MTMR1: variants seen among roughly 807,000 people sequenced by gnomAD.
MTMR1 encodes phosphatidylinositol-3-phosphate phosphatase MTMR1.
Under a neutral mutation model 51.6 loss-of-function variants are expected in MTMR1, and 17 were observed. The ratio of observed to expected loss-of-function variants is 0.33; its 90% CI spans 0.23 to 0.49. The LOEUF (loss-of-function observed/expected upper bound fraction) is 0.49, where lower values mean the gene tolerates loss of function less well. Ranked by LOEUF, MTMR1 falls within the 20% of genes least tolerant of loss-of-function variation. The pLI is 0.99. For synonymous variants in MTMR1, 201 were observed against 205.6 expected (o/e 0.98, Z 0.19); for missense variants, 386 against 526.9 (o/e 0.73, Z 2.62).
intron 6 of MTMR1, among the ~76,000 whole-genome samples, chrX:150,729,219 C>CAT (rs112852787): frequency 6.8e-5 from 2 of 29,285 alleles, no homozygotes. Context: ...CACACCCACC[C>CAT]ACACACACAC....
intron 4 of MTMR1, among the ~76,000 whole-genome samples, chrX:150,726,920 T>C (rs937561659): frequency 9.0e-6 from 1 of 111,699 alleles, no homozygotes; most frequent in Non-Finnish European, 1.9e-5. Context: ...ATATGATTAA[T>C]TTATCACCCA....
chrX:150,732,986 A>G (rs903699333), intron 10 of MTMR1, among the ~76,000 whole-genome samples: 4 of 112,332 alleles, frequency 3.6e-5, no homozygotes, highest in Middle Eastern at 4.6e-3. Context: ...TAGAAAGACA[A>G]TTATCATCTA....
chrX:150,728,540 C>T (rs1284810309), intron 6 of MTMR1, among the ~76,000 whole-genome samples: 9 of 112,035 alleles, frequency 8.0e-5, no homozygotes, highest in African/African-American at 2.9e-4. Context: ...AGTTTCTTGG[C>T]TATCTTGGAA....
chrX:150,736,868 G>A, intron 11 of MTMR1, 88 bp downstream of exon 11: 1 of 898,788 alleles, frequency 1.1e-6, no homozygotes, highest in Non-Finnish European at 1.5e-6. Flanking sequence ...GTGCCTCTTG[G>A]CTGTGTGCAT....
intron 14 of MTMR1, 34 bp downstream of exon 14, chrX:150,750,877 C>A: frequency 9.0e-7 from 1 of 1,114,719 alleles, no homozygotes; most frequent in Non-Finnish European, 1.2e-6. Flanking sequence ...GTTGCTTTCC[C>A]TGTGGCTCAG....
intron 3 of MTMR1, among the ~76,000 whole-genome samples, chrX:150,718,089 T>C (rs1557416454): frequency 8.9e-6 from 1 of 112,220 alleles, no homozygotes; most frequent in Non-Finnish European, 1.9e-5. Flanking sequence ...CACACACACA[T>C]AGCTGGGCTG....
At chrX:150,721,160 T>G (rs1251119512) in intron 4 of MTMR1, among the ~76,000 whole-genome samples, 1 of 112,209 alleles carries the variant, frequency 8.9e-6, no homozygotes, top group African/African-American at 3.2e-5. Flanking sequence ...TTGCTTATTA[T>G]GTAGTATCCA....
intron 3 of MTMR1, 23 bp downstream of exon 3, chrX:150,712,388 G>A (rs782435293): frequency 1.7e-6 from 2 of 1,157,139 alleles, no homozygotes; most frequent in South Asian, 1.9e-5. Context: ...GGCTTTCAGC[G>A]GATGGGCCTC....
chrX:150,702,757 C>A (rs73622410), intron 2 of MTMR1, among the ~76,000 whole-genome samples: 2 of 111,546 alleles, frequency 1.8e-5, no homozygotes, highest in Non-Finnish European at 3.8e-5. Flanking sequence ...AAGATAAATA[C>A]AAAATTAGTA....
chrX:150,748,859 G>A (rs1275864714), intron 13 of MTMR1, among the ~76,000 whole-genome samples: 1 of 107,574 alleles, frequency 9.3e-6, no homozygotes, highest in Non-Finnish European at 1.9e-5. Flanking sequence ...GAGAGAGAGA[G>A]AAATAGAGAA....
rs2043254377 is a variant in MTMR1 at position 150,764,949 on chromosome X, TAA to T, written c.*2221_*2222del. 2 of 112,305 alleles carry T rather than the reference TAA, an allele frequency of 1.8e-5. No homozygotes were observed. The highest frequency in any genetic ancestry group is 3.8e-5 in the Non-Finnish European group (2 of 53,269). The allele number at this position is 112,305 out of a possible 1,213,427, so 9.3% of individuals were successfully genotyped here. A position where few individuals can be genotyped will look rare whatever the true frequency, so the allele number is the denominator to read the frequency against. ...TGCTCCCTGGTCTTTTTTAAGTAAG[TAA>T]GTAAGTATCTTAGTAGATTTTTCCT... On this transcript the variant is annotated 3_prime_UTR_variant, in exon 16 of 16. Coordinates refer to ENST00000445323, the MANE Select transcript of MTMR1 (RefSeq NM_001306144.3).
intron 12 of MTMR1, among the ~76,000 whole-genome samples, chrX:150,743,642 C>T (rs2042497787): frequency 8.9e-6 from 1 of 112,063 alleles, no homozygotes; most frequent in Non-Finnish European, 1.9e-5. Context: ...TCCTTTTGCT[C>T]ATAGCAAATT....
chrX:150,735,569 A>G (rs1267670485), intron 10 of MTMR1: 2 of 451,533 alleles, frequency 4.4e-6, no homozygotes, highest in Non-Finnish European at 7.8e-6. Flanking sequence ...TACAGCAGGA[A>G]CCTTGAAATT....
At chrX:150,696,445 T>C in intron 1 of MTMR1, among the ~76,000 whole-genome samples, 1 of 111,916 alleles carries the variant, frequency 8.9e-6, no homozygotes, top group Middle Eastern at 4.6e-3. Flanking sequence ...TAAGAGGATG[T>C]GTCTTGCCAA....
intron 12 of MTMR1, among the ~76,000 whole-genome samples, chrX:150,739,937 T>C (rs1224689791): frequency 9.0e-6 from 1 of 111,666 alleles, no homozygotes; most frequent in Non-Finnish European, 1.9e-5. Context: ...GTACTCTACT[T>C]TACCTGGAGT....
At chrX:150,712,815 C>CA in intron 3 of MTMR1, 1 of 317,422 alleles carries the variant, frequency 3.2e-6, no homozygotes, top group East Asian at 1.7e-4. Context: ...ATGTTGAATC[C>CA]AAAAAAGCAG....
intron 4 of MTMR1, among the ~76,000 whole-genome samples, chrX:150,726,201 C>T (rs1236347297): frequency 2.7e-5 from 3 of 111,194 alleles, no homozygotes; most frequent in African/African-American, 6.6e-5. Context: ...TTGTGAATTG[C>T]GCATGTGAGG....
Position 150,730,616 on chromosome X carries a change from A to G in MTMR1, c.741+8A>G. On this transcript the variant is annotated splice_region_variant and intron_variant, in intron 8 of 15. Transcript: ENST00000445323. Reference sequence around the variant, plus strand: ...TCTGAATATAAGAGACAGGTAAAGTATATTGCTTATCAAACTGAAAATAAT... The same window carrying G: ...TCTGAATATAAGAGACAGGTAAAGTGTATTGCTTATCAAACTGAAAATAAT... 1 of 981,691 alleles carries G rather than the reference A, an allele frequency of 1.0e-6. No individual in the cohort carries two copies. The highest frequency in any genetic ancestry group is 1.4e-6 in the Non-Finnish European group (1 of 723,460). The allele number at this position is 981,691 out of a possible 1,213,427, so 80.9% of individuals were successfully genotyped here.
chrX:150,705,032 A>G (rs2041047159), intron 2 of MTMR1, among the ~76,000 whole-genome samples: 2 of 112,012 alleles, frequency 1.8e-5, no homozygotes, highest in South Asian at 7.4e-4. Flanking sequence ...TCCACAAAGA[A>G]ATGTAAGAGA....
Sources: gnomAD v4.1 joint callset for allele counts (sites outside exome capture counted in the v4.1 genomes callset) on GRCh38, gnomAD v4.1.1 for gene constraint, MANE v1.5 for transcripts, NCBI Gene and HGNC (gene_info 2026-07-23, HGNC 2026-07-21) for gene names.